Variants in PINX1 observed in about 807,000 individuals in gnomAD.
The protein encoded by PINX1 is PIN2/TERF1-interacting telomerase inhibitor 1.
Under a neutral mutation model 25.4 loss-of-function variants are expected in PINX1, and 34 were observed. The ratio of observed to expected loss-of-function variants is 1.34; its 90% CI spans 1.02 to 1.78. The LOEUF is 1.78. PINX1 is among the 40% of genes most tolerant of loss of function. The probability of loss-of-function intolerance (pLI) is 0.00; values close to 1 mark genes in which losing one functional copy is unlikely to be tolerated. For synonymous variants in PINX1, 197 were observed against 147.7 expected (o/e 1.33, Z -2.42); for missense variants, 592 against 404.9 (o/e 1.46, Z -3.97).
At position 10,765,279 on chromosome 8, in the gene PINX1, G is replaced by A; in HGVS notation, c.*122C>T. 1.1e-6 allele frequency: 1 copy of A among 883,174 alleles called. No homozygotes were observed. The highest frequency in any genetic ancestry group is 1.7e-6 in the Non-Finnish European group (1 of 597,422). The allele number at this position is 883,174 out of a possible 1,614,324, so 54.7% of individuals were successfully genotyped here. On this transcript the variant is annotated 3_prime_UTR_variant, in exon 7 of 7. Transcript: ENST00000314787. ...AGAGGGCAGGACTCGGCAGCCCATG[G>A]GCATGCCACAAGATGCGCCCAGGCG...
chr8:10,767,248 C>T (rs1012577710), intron 6 of PINX1, among the ~76,000 whole-genome samples: 1 of 152,096 alleles, frequency 6.6e-6, no homozygotes, highest in Non-Finnish European at 1.5e-5. Flanking sequence ...TATAAACAGA[C>T]CCTGTATTGT....
chr8:10,796,707 C>G (rs918947585), intron 6 of PINX1, among the ~76,000 whole-genome samples: 1 of 151,280 alleles, frequency 6.6e-6, no homozygotes, highest in Non-Finnish European at 1.5e-5. Flanking sequence ...CCTTGTGTAG[C>G]TTTCCTCAAC....
At chr8:10,824,271 A>G (rs1336759477) in intron 5 of PINX1, among the ~76,000 whole-genome samples, 2 of 152,224 alleles carry the variant, frequency 1.3e-5, no homozygotes, top group Non-Finnish European at 2.9e-5. Flanking sequence ...GATCTAAGAT[A>G]GTCCACCCTA....
At chr8:10,780,250 T>C (rs573177794) in intron 6 of PINX1, among the ~76,000 whole-genome samples, 10 of 152,310 alleles carry the variant, frequency 6.6e-5, no homozygotes, top group South Asian at 4.1e-4. Context: ...TCCAGTACTA[T>C]GTTGAACAGA....
At chr8:10,814,393 C>A (rs554470060) in intron 6 of PINX1, among the ~76,000 whole-genome samples, 1 of 152,128 alleles carries the variant, frequency 6.6e-6, no homozygotes, top group Non-Finnish European at 1.5e-5. Flanking sequence ...GGAGGAAATA[C>A]GAAGCACCAA....
At chr8:10,822,829 G>A (rs1797919424) in intron 5 of PINX1, among the ~76,000 whole-genome samples, 1 of 152,168 alleles carries the variant, frequency 6.6e-6, no homozygotes, top group Non-Finnish European at 1.5e-5. Flanking sequence ...GTAAAGAAGT[G>A]AAGGGCAAGG....
chr8:10,837,936 C>A (rs1327388455), intron 1 of PINX1, among the ~76,000 whole-genome samples: 1 of 152,198 alleles, frequency 6.6e-6, no homozygotes, highest in African/African-American at 2.4e-5. Flanking sequence ...TTAAAGGAAG[C>A]GAAAGCCTAC....
intron 6 of PINX1, among the ~76,000 whole-genome samples, chr8:10,795,989 A>G (rs1188404206): frequency 6.6e-6 from 1 of 152,204 alleles, no homozygotes; most frequent in Non-Finnish European, 1.5e-5. Context: ...AAGACAAACT[A>G]TTATCGTCAC....
chr8:10,789,433 G>A (rs1035243962), intron 6 of PINX1, among the ~76,000 whole-genome samples: 3 of 152,178 alleles, frequency 2.0e-5, no homozygotes, highest in African/African-American at 7.2e-5. Flanking sequence ...TGGGAGTGAT[G>A]AGGACACCTA....
intron 6 of PINX1, among the ~76,000 whole-genome samples, chr8:10,802,125 G>A (rs1339585024): frequency 1.2e-4 from 18 of 152,240 alleles, no homozygotes; most frequent in South Asian, 8.3e-4. Context: ...TTTGGGGGAC[G>A]GAAGAGCAAA....
At chr8:10,788,067 T>C (rs970982990) in intron 6 of PINX1, among the ~76,000 whole-genome samples, 3 of 152,110 alleles carry the variant, frequency 2.0e-5, no homozygotes, top group Admixed American at 2.0e-4. Context: ...CCTTATCTTT[T>C]AGATATATAA....
At chr8:10,783,155 TTA>T (rs1801645714) in intron 6 of PINX1, among the ~76,000 whole-genome samples, 1 of 152,204 alleles carries the variant, frequency 6.6e-6, no homozygotes, top group South Asian at 2.1e-4. Flanking sequence ...AAACTGAAAT[TTA>T]TGACATTTAT....
intron 1 of PINX1, among the ~76,000 whole-genome samples, chr8:10,837,802 T>C (rs1798448362): frequency 1.3e-5 from 2 of 152,230 alleles, no homozygotes; most frequent in South Asian, 4.1e-4. Flanking sequence ...GCAGAAGTTT[T>C]AAACAATCTC....
chr8:10,786,345 T>C (rs1447000111), intron 6 of PINX1, among the ~76,000 whole-genome samples: 2 of 152,170 alleles, frequency 1.3e-5, no homozygotes, highest in African/African-American at 4.8e-5. Flanking sequence ...TGGCTCTTTC[T>C]ACAACACCAA....
intron 6 of PINX1, among the ~76,000 whole-genome samples, chr8:10,816,923 A>G (rs922154499): frequency 2.6e-5 from 4 of 152,336 alleles, no homozygotes; most frequent in African/African-American, 9.6e-5. Context: ...GGAGATACTG[A>G]TATTTACATG....
intron 6 of PINX1, among the ~76,000 whole-genome samples, chr8:10,766,782 A>G (rs1413041959): frequency 6.6e-6 from 1 of 152,212 alleles, no homozygotes; most frequent in African/African-American, 2.4e-5. Context: ...TGAAAAATGT[A>G]TATATCTAAA....
rs142648076 is a variant in PINX1 at position 10,811,339 on chromosome 8, A to G, written c.471+8854T>C. Reference sequence around the variant, plus strand: ...GCCCTTTAGAAGAAACCAGAGTAGAACATTCATTAGATGACCTGATTTCCT... The same window carrying G: ...GCCCTTTAGAAGAAACCAGAGTAGAGCATTCATTAGATGACCTGATTTCCT... On this transcript the variant is annotated intron_variant, in intron 6 of 6. Coordinates refer to ENST00000314787, the MANE Select transcript of PINX1 (RefSeq NM_017884.6). Among the ~76,000 whole-genome samples, 103 of 152,316 alleles carry G rather than the reference A, an allele frequency of 6.8e-4. 3 individuals are homozygous for G. Among genetic ancestry groups the G allele is most frequent in the Admixed American group, 6.5e-3 (100 of 15,296 alleles).
intron 6 of PINX1, among the ~76,000 whole-genome samples, chr8:10,797,169 G>A (rs1017421545): frequency 2.6e-5 from 4 of 152,112 alleles, no homozygotes; most frequent in Non-Finnish European, 4.4e-5. Context: ...GGGTCTTCAC[G>A]CTCACTAGTC....
At chr8:10,777,542 G>T (rs532848726) in intron 6 of PINX1, among the ~76,000 whole-genome samples, 60 of 152,316 alleles carry the variant, frequency 3.9e-4, no homozygotes, top group Middle Eastern at 3.4e-3. Context: ...GCTAGTTGAA[G>T]GGGGGTTGGG....
Sources: allele counts gnomAD v4.1 joint callset (sites outside exome capture counted in the v4.1 genomes callset), GRCh38; gene constraint gnomAD v4.1.1; transcripts MANE v1.5; gene names NCBI Gene and HGNC (gene_info 2026-07-23, HGNC 2026-07-21).